The following TLK2 variants were observed in gnomAD, a reference collection of about 807,000 sequenced individuals.
TLK2 encodes the protein serine/threonine-protein kinase tousled-like 2.
Under a neutral mutation model 117.3 loss-of-function variants are expected in TLK2, and 6 were observed. That is an observed-to-expected ratio of 0.05 (90% confidence interval 0.03 to 0.10). The LOEUF (loss-of-function observed/expected upper bound fraction) is 0.10. Among genes scored for constraint, TLK2 ranks in the 10% least tolerant of loss-of-function variants. The pLI is 1.00. For missense variants in TLK2, 299 were observed against 901.2 expected (o/e 0.33, Z 8.56); for synonymous variants, 257 against 316.7 (o/e 0.81, Z 2.00).
intron 7 of TLK2, among the ~76,000 whole-genome samples, chr17:62,547,987 A>G (rs1363990839): frequency 1.3e-5 from 2 of 152,130 alleles, no homozygotes; most frequent in Admixed American, 6.5e-5. Context: ...TGTTTGTATT[A>G]TATTCAGAAC....
intron 10 of TLK2, among the ~76,000 whole-genome samples, chr17:62,561,022 C>T (rs1428949284): frequency 6.6e-6 from 1 of 152,152 alleles, no homozygotes; most frequent in Non-Finnish European, 1.5e-5. Flanking sequence ...GTTCCCCTTC[C>T]TGTGTCCATG....
chr17:62,593,895 C>T (rs1374681277), intron 16 of TLK2, among the ~76,000 whole-genome samples: 5 of 150,198 alleles, frequency 3.3e-5, no homozygotes, highest in East Asian at 4.0e-4. Context: ...TGGGTTCAAG[C>T]GTCTCTCCTG....
At chr17:62,517,117 C>T (rs1322434969) in intron 2 of TLK2, among the ~76,000 whole-genome samples, 4 of 152,026 alleles carry the variant, frequency 2.6e-5, no homozygotes, top group Non-Finnish European at 4.4e-5. Flanking sequence ...GTTGGCCAGA[C>T]TGGTCTCAAA....
Position 62,494,169 on chromosome 17 carries a change from G to A in TLK2, c.81+12963G>A, listed in dbSNP as rs140754715. Among the ~76,000 whole-genome samples the A allele has an allele frequency of 5.2e-3, 792 of 152,182 alleles. 4 individuals carry two copies. The highest frequency in any genetic ancestry group is 0.014 in the Middle Eastern group (4 of 294). On this transcript the variant is annotated intron_variant, in intron 2 of 21. Coordinates refer to ENST00000346027, the MANE Select transcript of TLK2 (RefSeq NM_006852.6). Reference sequence around the variant, plus strand: ...TGTGATCTCAGCTCATGTAACCTCCGTCTCCTGGGTTCAAGCGATTCTTCT... The same window carrying A: ...TGTGATCTCAGCTCATGTAACCTCCATCTCCTGGGTTCAAGCGATTCTTCT...
intron 2 of TLK2, among the ~76,000 whole-genome samples, chr17:62,495,265 AC>A (rs1391978838): frequency 2.0e-5 from 3 of 152,104 alleles, no homozygotes; most frequent in Non-Finnish European, 2.9e-5. Context: ...AGCCCGCGCA[AC>A]AGGAGGGAAA....
At chr17:62,561,263 A>G (rs554256944) in intron 10 of TLK2, among the ~76,000 whole-genome samples, 1 of 152,334 alleles carries the variant, frequency 6.6e-6, no homozygotes, top group Non-Finnish European at 1.5e-5. Context: ...AGTCTTTGCT[A>G]TTGTGAATAG....
chr17:62,604,646 C>T (rs1446372217), intron 19 of TLK2, among the ~76,000 whole-genome samples: 1 of 152,100 alleles, frequency 6.6e-6, no homozygotes, highest in Admixed American at 6.5e-5. Context: ...TGTGGTGGCT[C>T]ATGCCTGTAA....
intron 2 of TLK2, among the ~76,000 whole-genome samples, chr17:62,489,987 C>T (rs528078280): frequency 2.6e-5 from 4 of 152,144 alleles, no homozygotes; most frequent in Non-Finnish European, 5.9e-5. Context: ...CCCACCACCA[C>T]GCCTGGCTAA....
intron 2 of TLK2, among the ~76,000 whole-genome samples, chr17:62,484,422 G>GAGTAGCTGGGATTAC (rs1567765903): frequency 2.0e-5 from 3 of 151,638 alleles, no homozygotes; most frequent in Non-Finnish European, 4.4e-5. Flanking sequence ...TCAGCCTCCC[G>GAGTAGCTGGGATTAC]AGTAGCTGGG....
chr17:62,535,790 A>G (rs1376764479), intron 6 of TLK2, among the ~76,000 whole-genome samples: 1 of 150,988 alleles, frequency 6.6e-6, no homozygotes, highest in Non-Finnish European at 1.5e-5. Context: ...AAAAAGAAAA[A>G]AGAAAAAAGA....
rs535815709 is a variant in TLK2, at chr17:62,590,394, G to A, written c.1460+4168G>A. Among the ~76,000 whole-genome samples, 244 of 152,198 alleles carry A rather than the reference G, an allele frequency of 1.6e-3. 2 individuals carry two copies. The highest frequency in any genetic ancestry group is 5.3e-3 in the African/African-American group (221 of 41,560). ...GCAGAGGTTGTGGTGAGCCAAGATCGCGCCACTGTATGTACTCCAGCCTGG... is the reference window on the plus strand; with the variant it reads ...GCAGAGGTTGTGGTGAGCCAAGATCACGCCACTGTATGTACTCCAGCCTGG... On this transcript the variant is annotated intron_variant, in intron 16 of 21. Transcript: ENST00000346027.
chr17:62,600,460 C>G (rs2082794842), intron 17 of TLK2, 191 bp from the exon 18 acceptor site: 1 of 515,872 alleles, frequency 1.9e-6, no homozygotes, highest in African/African-American at 1.9e-5. Context: ...GGAAACTCTT[C>G]AAGAGAATAA....
chr17:62,566,635 G>A (rs936191323), intron 11 of TLK2, among the ~76,000 whole-genome samples: 3 of 152,192 alleles, frequency 2.0e-5, no homozygotes, highest in African/African-American at 7.2e-5. Context: ...AGAGGTATCA[G>A]GGCAGTGTAA....
At chr17:62,513,810 C>A (rs1456969426) in intron 2 of TLK2, among the ~76,000 whole-genome samples, 10 of 151,830 alleles carry the variant, frequency 6.6e-5, no homozygotes. Flanking sequence ...GCCTCAGCCT[C>A]CTGAGTAGCT....
intron 2 of TLK2, among the ~76,000 whole-genome samples, chr17:62,497,625 A>T (rs1423868991): frequency 6.6e-6 from 1 of 152,210 alleles, no homozygotes; most frequent in Non-Finnish European, 1.5e-5. Context: ...TACTACAGGG[A>T]GTTGAAATCC....
At chr17:62,600,584 C>G in intron 17 of TLK2, 67 bp from the exon 18 acceptor site, 1 of 1,376,778 alleles carries the variant, frequency 7.3e-7, no homozygotes, top group Non-Finnish European at 9.7e-7. Context: ...TCACATGGGA[C>G]TAATTTAGGT....
Position 62,536,216 on chromosome 17 carries a change from A to T in TLK2, c.410A>T (p.Lys137Met). Residue 137 changes from lysine (K) to methionine (M), a missense_variant, in exon 7 of 22, where the codon AAG becomes ATG. Lys to Met is a moderately conservative substitution (Grantham distance 95, BLOSUM62 -1). Coordinates refer to ENST00000346027, the MANE Select transcript of TLK2 (RefSeq NM_006852.6). ...PLYGLDGSAA[K>M]EATEEQSALP... is the part of the protein sequence containing the mutation. Reference sequence around the variant, plus strand: ...TATGGTTTAGATGGCAGTGCTGCAAAGGAGGCAACGGAGGAGCAGTCTGCT... The same window carrying T: ...TATGGTTTAGATGGCAGTGCTGCAATGGAGGCAACGGAGGAGCAGTCTGCT... 1 of 1,612,738 alleles carries T rather than the reference A, an allele frequency of 6.2e-7. No homozygotes were observed. The highest frequency in any genetic ancestry group is 8.5e-7 in the Non-Finnish European group (1 of 1,179,802).
In TLK2 at chr17:62,520,776, C is replaced by G; in HGVS notation, c.85C>G (p.Pro29Ala). ...TTATGATTTTTTTTTCTTTCAGGGA[C>G]CACTTAATAGTGAGTCTTCCAACCA... ...RFTGVGVSKGPLNSESSNQSL... is the reference protein window; with the variant it reads ...RFTGVGVSKGALNSESSNQSL... The change falls in exon 3 of 22, where the codon CCA (proline) becomes GCA (alanine). Residue 29 changes from proline (P) to alanine (A), a missense_variant. Coordinates refer to ENST00000346027, the MANE Select transcript of TLK2 (RefSeq NM_006852.6). The G allele has an allele frequency of 6.2e-7, 1 of 1,611,408 alleles. No homozygotes were observed. Among genetic ancestry groups the G allele is most frequent in the Non-Finnish European group, 8.5e-7 (1 of 1,178,852 alleles).
chr17:62,576,810 T>C, intron 13 of TLK2, 35 bp downstream of exon 13: 4 of 1,527,418 alleles, frequency 2.6e-6, no homozygotes, highest in Non-Finnish European at 3.6e-6. Context: ...TGGAGAAATG[T>C]GATACCTAGT....
Sources: allele counts gnomAD v4.1 joint callset (sites outside exome capture counted in the v4.1 genomes callset), GRCh38; gene constraint gnomAD v4.1.1; transcripts MANE v1.5; gene names NCBI Gene and HGNC (gene_info 2026-07-23, HGNC 2026-07-21).